PFKM: variants seen among roughly 807,000 people sequenced by gnomAD.
The protein encoded by PFKM is phosphofructokinase, muscle, also known as ATP-dependent 6-phosphofructokinase, muscle type.
PFKM carries 58 observed loss-of-function variants against 95.5 expected under a neutral mutation model. The observed-to-expected ratio is 0.61, with a 90% CI of 0.49 to 0.76. The LOEUF (loss-of-function observed/expected upper bound fraction) is 0.76. Among genes scored for constraint, PFKM ranks in the 30% least tolerant of loss-of-function variants. The pLI, the probability that PFKM is intolerant of heterozygous loss-of-function variation, is 0.00. For missense variants in PFKM, 678 were observed against 1,005.4 expected (o/e 0.67, Z 4.40); for synonymous variants, 336 against 357.2 (o/e 0.94, Z 0.67).
upstream of PFKM, among the ~76,000 whole-genome samples, chr12:48,114,761 C>A (rs1947522578): frequency 6.6e-6 from 1 of 152,048 alleles, no homozygotes; most frequent in Admixed American, 6.6e-5. Flanking sequence ...ACCATTTGCC[C>A]ATTTTTTCAA....
chr12:48,134,810 T>C lies in PFKM; in HGVS notation c.728T>C (p.Leu243Pro). The C allele has an allele frequency of 6.2e-7, 1 of 1,613,786 alleles. No individual in the cohort carries two copies. Among genetic ancestry groups the C allele is most frequent in the Non-Finnish European group, 8.5e-7 (1 of 1,179,682 alleles). ...CPPDDDWEEH[L>P]CRRLSETRTR... is the part of the protein sequence containing the mutation. ...CCAGATGACGACTGGGAGGAACACC[T>C]TTGTCGCCGACTCAGCGAGGTACTT... Residue 243 changes from leucine (L) to proline (P), a missense_variant, in exon 8 of 23, where the codon CTT becomes CCT. Leu to Pro is a moderately conservative substitution (Grantham distance 98). Coordinates refer to ENST00000359794, the MANE Select transcript of PFKM (RefSeq NM_000289.6).
At chr12:48,113,519 G>A (rs1947391936) in intron 3 of PFKM, among the ~76,000 whole-genome samples, 1 of 152,214 alleles carries the variant, frequency 6.6e-6, no homozygotes, top group Non-Finnish European at 1.5e-5. Flanking sequence ...GTCCCGCACA[G>A]ATGGGACATG....
At chr12:48,117,288 T>C (rs1290113001), upstream of PFKM, among the ~76,000 whole-genome samples, 3 of 152,276 alleles carry the variant, frequency 2.0e-5, no homozygotes, top group African/African-American at 7.2e-5. Flanking sequence ...AAAGCTTTTA[T>C]AAACATTCAT....
chr12:48,112,844 T>C (rs1019424112), intron 3 of PFKM, among the ~76,000 whole-genome samples: 1 of 152,152 alleles, frequency 6.6e-6, no homozygotes, highest in African/African-American at 2.4e-5. Flanking sequence ...GATAACAGGC[T>C]TTAATCCTTT....
chr12:48,130,369 A>G lies in PFKM; in HGVS notation c.92A>G (p.Asn31Ser). The G allele has an allele frequency of 1.9e-6, 3 of 1,613,568 alleles. No individual in the cohort carries two copies. Among genetic ancestry groups the G allele is most frequent in the Non-Finnish European group, 2.5e-6 (3 of 1,179,472 alleles). ...CTTTTGTCCCTCCTTTCAGGTATGA[A>G]TGCTGCTGTCAGGGCTGTGGTTCGA... ...LTSGGDAQGMNAAVRAVVRVG... is the reference protein window; with the variant it reads ...LTSGGDAQGMSAAVRAVVRVG... The change falls in exon 3 of 23, where the codon AAT becomes AGT. Residue 31 changes from asparagine to serine, a missense_variant. Coordinates refer to ENST00000359794, the MANE Select transcript of PFKM (RefSeq NM_000289.6).
At chr12:48,140,098 CCTT>C (rs1200169480) in intron 13 of PFKM, among the ~76,000 whole-genome samples, 186 bp downstream of exon 13, 2 of 152,264 alleles carry the variant, frequency 1.3e-5, no homozygotes, top group Non-Finnish European at 2.9e-5. Flanking sequence ...ACCAGAGCCC[CCTT>C]CTTAGTGTAC....
At chr12:48,122,678 G>A in intron 1 of PFKM, 89 bp from the exon 2 acceptor site, 2 of 1,590,174 alleles carry the variant, frequency 1.3e-6, no homozygotes. Flanking sequence ...CCTGACTGAG[G>A]TGGCTCTAGC....
upstream of PFKM, chr12:48,105,529 G>A (rs962453976): frequency 6.6e-5 from 34 of 513,296 alleles, 3 homozygotes; most frequent in Middle Eastern, 3.2e-4. Flanking sequence ...AGATACCACA[G>A]AGTAGGAGAG....
At position 48,144,122 on chromosome 12, in the gene PFKM, G is replaced by A. The variant is rs777743474; in HGVS notation, c.1957G>A (p.Asp653Asn). 7 of 1,613,192 alleles carry A rather than the reference G, an allele frequency of 4.3e-6. No individual in the cohort carries two copies. The highest frequency in any genetic ancestry group is 4.0e-5 in the African/African-American group (3 of 74,908). ...CTCTGAGGAGGGGAAGGGCATCTTC[G>A]ACAGCAGGAAGAATGTGCTTGGTCA... Reference protein sequence around the residue: ...LYSEEGKGIFDSRKNVLGHMQ... With the variant: ...LYSEEGKGIFNSRKNVLGHMQ... Residue 653 changes from aspartate (D) to asparagine (N), a missense_variant, in exon 20 of 23, where the codon GAC (aspartate) becomes AAC (asparagine). Asp to Asn is a conservative substitution (Grantham distance 23). Transcript: ENST00000359794.
upstream of PFKM, among the ~76,000 whole-genome samples, chr12:48,117,854 A>G (rs1181875535): frequency 1.3e-5 from 2 of 152,214 alleles, no homozygotes; most frequent in Non-Finnish European, 2.9e-5. Flanking sequence ...ATCAATGAAT[A>G]TATGTAAGAT....
intron 1 of PFKM, among the ~76,000 whole-genome samples, chr12:48,122,267 T>G (rs556164049): frequency 1.3e-5 from 2 of 152,244 alleles, no homozygotes; most frequent in East Asian, 3.9e-4. Flanking sequence ...AATAGCACAA[T>G]TCCATAACAC....
At chr12:48,120,693 C>T (rs1236646496) in intron 1 of PFKM, among the ~76,000 whole-genome samples, 1 of 152,180 alleles carries the variant, frequency 6.6e-6, no homozygotes, top group Non-Finnish European at 1.5e-5. Context: ...ACATTTTTCA[C>T]ATGTCATGAA....
At chr12:48,110,886 C>A (rs1273913156) in intron 3 of PFKM, among the ~76,000 whole-genome samples, 1 of 152,092 alleles carries the variant, frequency 6.6e-6, no homozygotes, top group Non-Finnish European at 1.5e-5. Flanking sequence ...GCCACTTGAT[C>A]CTACACTGGG....
rs529241915 is a variant in PFKM, at chr12:48,130,827, A to G, written c.159+391A>G. ...TTTGCATAACTTTCTGAGGTTCTCA[A>G]ATCTTCTTTTGCACCCTTCTCCCAG... On this transcript the variant is annotated intron_variant, in intron 3 of 22. Coordinates refer to ENST00000359794, the MANE Select transcript of PFKM (RefSeq NM_000289.6). 2.0e-5 allele frequency among the ~76,000 whole-genome samples: 3 copies of G among 152,284 alleles called. 1 individual carries two copies. Among genetic ancestry groups the G allele is most frequent in the East Asian group, 1.9e-4 (1 of 5,190 alleles).
intron 2 of PFKM, among the ~76,000 whole-genome samples, chr12:48,129,226 T>TC (rs1949185933): frequency 8.2e-6 from 1 of 122,304 alleles, no homozygotes; most frequent in Non-Finnish European, 1.7e-5. Context: ...TTTTTTTTTT[T>TC]TTTTTTTTTT....
upstream of PFKM, among the ~76,000 whole-genome samples, chr12:48,118,312 T>C (rs1947854211): frequency 6.6e-6 from 1 of 152,228 alleles, no homozygotes; most frequent in Non-Finnish European, 1.5e-5. Context: ...CTTTATTTAT[T>C]CTGGATGCCA....
At position 48,145,926 on chromosome 12, in the gene PFKM, C is replaced by T. The variant is rs1951009112; in HGVS notation, c.*218C>T. The T allele has an allele frequency of 3.4e-6, 2 of 580,082 alleles. No homozygotes were observed. Among genetic ancestry groups the T allele is most frequent in the Middle Eastern group, 4.6e-4 (1 of 2,170 alleles). 35.9% of individuals were successfully genotyped at this position (580,082 alleles called of 1,614,324 possible). A position where few individuals can be genotyped will look rare whatever the true frequency, so the allele number is the denominator to read the frequency against. ...AACATGACTTCTGCCCCAGCTTTAT[C>T]TGTCACACAAGGCTGGGCACCTCTA... On this transcript the variant is annotated 3_prime_UTR_variant, in exon 23 of 23. Coordinates refer to ENST00000359794, the MANE Select transcript of PFKM (RefSeq NM_000289.6). This position sits in a 1 kb window ranked among gnomAD's most constrained non-coding sequence, Gnocchi z 4.3.
At chr12:48,131,805 A>C (rs1293349443) in intron 4 of PFKM, 2 of 359,686 alleles carry the variant, frequency 5.6e-6, no homozygotes, top group Non-Finnish European at 1.1e-5. Context: ...AGACCACTTA[A>C]AGGACGAAGG....
intron 6 of PFKM, among the ~76,000 whole-genome samples, chr12:48,134,009 A>G (rs1295437724): frequency 6.6e-6 from 1 of 152,098 alleles, no homozygotes; most frequent in Non-Finnish European, 1.5e-5. Flanking sequence ...CCTGGAACAG[A>G]GCCTCTGTTT....
Sources: allele counts gnomAD v4.1 joint callset (sites outside exome capture counted in the v4.1 genomes callset), GRCh38; gene constraint gnomAD v4.1.1; non-coding constraint Gnocchi (gnomAD v3.1); transcripts MANE v1.5; gene names NCBI Gene and HGNC (gene_info 2026-07-23, HGNC 2026-07-21).